The following FKBP5 variants were observed in gnomAD, a reference collection of about 807,000 sequenced individuals.
The protein encoded by FKBP5 is FKBP prolyl isomerase 5.
In FKBP5, 23 loss-of-function variants were observed where a neutral mutation model predicts 50.5. The observed-to-expected ratio is 0.46, with a 90% CI of 0.33 to 0.65. The LOEUF (loss-of-function observed/expected upper bound fraction) is 0.65. FKBP5 is among the 30% of genes least tolerant of loss of function. The pLI, the probability that FKBP5 is intolerant of heterozygous loss-of-function variation, is 0.02. For missense variants in FKBP5, 411 were observed against 553.1 expected, an observed-to-expected ratio of 0.74 and a Z score of 2.58; for synonymous variants, 176 against 190.6, an observed-to-expected ratio of 0.92 and a Z score of 0.63.
intron 5 of FKBP5, among the ~76,000 whole-genome samples, chr6:35,609,523 C>G (rs1337275233): frequency 6.6e-6 from 1 of 152,178 alleles, no homozygotes; most frequent in African/African-American, 2.4e-5. Context: ...AAAAACCACT[C>G]CTTCCTCCTG....
intron 5 of FKBP5, among the ~76,000 whole-genome samples, chr6:35,605,773 TAAC>T (rs1763294833): frequency 6.6e-6 from 1 of 152,058 alleles, no homozygotes; most frequent in Non-Finnish European, 1.5e-5. Flanking sequence ...TGTCCACTCT[TAAC>T]AACTCCTATT....
intron 4 of FKBP5, 134 bp from the exon 5 acceptor site, chr6:35,619,344 C>A: frequency 9.7e-6 from 5 of 516,980 alleles, no homozygotes; most frequent in South Asian, 5.3e-5. Flanking sequence ...ATTTATGCAT[C>A]TTAATTATTG....
intron 1 of FKBP5, among the ~76,000 whole-genome samples, chr6:35,655,601 T>C (rs1764924660): frequency 1.3e-5 from 2 of 152,182 alleles, no homozygotes; most frequent in African/African-American, 4.8e-5. Flanking sequence ...GTAAATGGCA[T>C]AGGAGCAGTA....
At chr6:35,639,583 C>G (rs909408009) in intron 2 of FKBP5, among the ~76,000 whole-genome samples, 1 of 152,150 alleles carries the variant, frequency 6.6e-6, no homozygotes, top group Non-Finnish European at 1.5e-5. Flanking sequence ...AAAGTCTCCA[C>G]TGTTTCTAGA....
At chr6:35,584,934 C>G in intron 8 of FKBP5, 1 of 985,458 alleles carries the variant, frequency 1.0e-6, no homozygotes, top group Non-Finnish European at 1.2e-6. Context: ...ACTGTACAGA[C>G]ACTCATTGCT....
At chr6:35,699,550 A>G (rs1316994611) in intron 2 of FKBP5, among the ~76,000 whole-genome samples, 1 of 152,128 alleles carries the variant, frequency 6.6e-6, no homozygotes, top group Non-Finnish European at 1.5e-5. Flanking sequence ...AATTCCCCCC[A>G]AAGTCTCACC....
rs146787424 is a variant in FKBP5, at chr6:35,577,112, T to A, written c.1148A>T (p.Gln383Leu). The change falls in exon 10 of 11, where the codon CAG becomes CTG. Residue 383 changes from glutamine to leucine, a missense_variant. Around this residue, in one of 3 missense-constraint regions of FKBP5, gnomAD observed 267 missense variants for 405.9 expected, o/e 0.66. Transcript: ENST00000357266. ...GATCTGCAGTCTTGCAGCCTTATTC[T>A]GGGGGTTTACTTCCAGCACTTTCTC... ...DFEKVLEVNPQNKAARLQISM... is the reference protein window; with the variant it reads ...DFEKVLEVNPLNKAARLQISM... The A allele has an allele frequency of 1.7e-3, 2,684 of 1,614,220 alleles. 12 individuals are homozygous for A. Among genetic ancestry groups the A allele is most frequent in the Middle Eastern group, 0.013 (81 of 6,062 alleles).
At chr6:35,693,475 C>T (rs1239936772), upstream of FKBP5, among the ~76,000 whole-genome samples, 1 of 138,068 alleles carries the variant, frequency 7.2e-6, no homozygotes, top group Non-Finnish European at 1.6e-5. Context: ...TTATTCTACT[C>T]TTTAAGTCTA....
intron 1 of FKBP5, among the ~76,000 whole-genome samples, chr6:35,670,620 T>C (rs1765359200): frequency 6.6e-6 from 1 of 151,382 alleles, no homozygotes; most frequent in Non-Finnish European, 1.5e-5. Flanking sequence ...TAATCCCAGC[T>C]ACTCGGGAGG....
chr6:35,575,028 T>C lies in FKBP5; in HGVS notation c.*807A>G, dbSNP rs1255842076. 1 of 152,242 alleles carries C rather than the reference T, an allele frequency of 6.6e-6. No homozygotes were observed. The highest frequency in any genetic ancestry group is 1.5e-5 in the Non-Finnish European group (1 of 68,048). The allele number at this position is 152,242 out of a possible 1,614,324, so 9.4% of individuals were successfully genotyped here. ...ATAGAGGAGGGGAGAAAAAGCACAA[T>C]TCTGATTGCTCTTTTCACATTTCAG... On this transcript the variant is annotated 3_prime_UTR_variant, in exon 11 of 11. Transcript: ENST00000357266.
chr6:35,625,194 G>A (rs556557318), intron 3 of FKBP5, among the ~76,000 whole-genome samples: 3 of 152,056 alleles, frequency 2.0e-5, no homozygotes, highest in Non-Finnish European at 2.9e-5. Flanking sequence ...AGCAATTCTC[G>A]TGCCTCAGAC....
In FKBP5 at chr6:35,608,365, A is replaced by G. The variant is rs182467042; in HGVS notation, c.508+10731T>C. Among the ~76,000 whole-genome samples, 99 of 150,630 alleles carry G rather than the reference A, an allele frequency of 6.6e-4. 1 individual carries two copies. The highest frequency in any genetic ancestry group is 2.3e-3 in the African/African-American group (96 of 41,446). ...ACATGTCCCCCCTGAATCTTAAAAT[A>G]AAAGAATTAATCAGCATAATCTCCC... On this transcript the variant is annotated intron_variant, in intron 5 of 10. Coordinates refer to ENST00000357266, the MANE Select transcript of FKBP5 (RefSeq NM_004117.4).
chr6:35,694,944 G>T (rs1294768040), intron 2 of FKBP5, among the ~76,000 whole-genome samples: 1 of 152,108 alleles, frequency 6.6e-6, no homozygotes, highest in African/African-American at 2.4e-5. Context: ...GCACAAAGCA[G>T]CCATATAGCA....
chr6:35,585,116 A>G, intron 8 of FKBP5: 1 of 983,870 alleles, frequency 1.0e-6, no homozygotes, highest in Non-Finnish European at 1.2e-6. Context: ...CACTGAATCG[A>G]TATAATTCTA....
chr6:35,618,851 C>T (rs1260774846), intron 5 of FKBP5, among the ~76,000 whole-genome samples: 2 of 151,992 alleles, frequency 1.3e-5, no homozygotes, highest in South Asian at 2.1e-4. Flanking sequence ...TGCACCACCA[C>T]ACCTGGCTAG....
At chr6:35,624,482 C>G (rs1763936241) in intron 3 of FKBP5, among the ~76,000 whole-genome samples, 1 of 85,410 alleles carries the variant, frequency 1.2e-5, no homozygotes, top group Admixed American at 1.3e-4. Context: ...AGCTCCATTT[C>G]AAAAAAGAAA....
At chr6:35,670,322 T>TA (rs1765348363) in intron 1 of FKBP5, among the ~76,000 whole-genome samples, 1 of 152,182 alleles carries the variant, frequency 6.6e-6, no homozygotes, top group Non-Finnish European at 1.5e-5. Flanking sequence ...AACTTAAAAT[T>TA]ACTAAATTAG....
chr6:35,592,580 C>T (rs1284996430), intron 6 of FKBP5, among the ~76,000 whole-genome samples: 1 of 152,194 alleles, frequency 6.6e-6, no homozygotes, highest in Non-Finnish European at 1.5e-5. Context: ...TAAAAAAATT[C>T]CTTAACTACC....
At chr6:35,605,869 C>A (rs1763298260) in intron 5 of FKBP5, among the ~76,000 whole-genome samples, 1 of 152,126 alleles carries the variant, frequency 6.6e-6, no homozygotes, top group Non-Finnish European at 1.5e-5. Flanking sequence ...TAAAAGGCAT[C>A]CAAATAGGAA....
Sources: allele counts gnomAD v4.1 joint callset (sites outside exome capture counted in the v4.1 genomes callset), GRCh38; gene constraint gnomAD v4.1.1; regional missense constraint gnomAD v4.1.1; transcripts MANE v1.5; gene names NCBI Gene and HGNC (gene_info 2026-07-23, HGNC 2026-07-21).